Variants in OSBPL10 observed in about 807,000 individuals in gnomAD.
OSBPL10 encodes the protein oxysterol binding protein like 10, also known as oxysterol-binding protein-related protein 10.
OSBPL10 carries 49 observed loss-of-function variants against 81.7 expected under a neutral mutation model. That is an observed-to-expected ratio of 0.60 (90% CI 0.48 to 0.76). OSBPL10 has a LOEUF of 0.76. OSBPL10 is among the 30% of genes least tolerant of loss of function. The pLI, the probability that OSBPL10 is intolerant of heterozygous loss-of-function variation, is 0.00. For missense variants in OSBPL10, 923 were observed against 987.8 expected (o/e 0.93, Z 0.88); for synonymous variants, 419 against 383.6 (o/e 1.09, Z -1.08).
intron 2 of OSBPL10, chr3:31,989,992 C>G (rs771044548): frequency 2.5e-6 from 4 of 1,614,118 alleles, no homozygotes; most frequent in Non-Finnish European, 3.4e-6. Context: ...TGCAAGTCAT[C>G]ATAGACTTCA....
intron 4 of OSBPL10, among the ~76,000 whole-genome samples, chr3:31,761,813 TA>T (rs34579457): frequency 0.69 from 73,794 of 107,512 alleles, 25,159 homozygotes; most frequent in East Asian, 0.92. Context: ...AGACTGTCTC[TA>T]AAAAAAAAAA....
In OSBPL10 at chr3:31,883,175, C is replaced by T. The variant is rs184077378; in HGVS notation, c.282-3345G>A. ...AGGCTCACACTACAGCACGTTGTGC[C>T]ATGTGTGCCCCCCTACACACACCTG... On this transcript the variant is annotated intron_variant, in intron 1 of 11. Coordinates refer to ENST00000396556, the MANE Select transcript of OSBPL10 (RefSeq NM_017784.5). 4.1e-4 allele frequency among the ~76,000 whole-genome samples: 62 copies of T among 152,104 alleles called. 1 individual carries two copies. In the East Asian group the frequency reaches 9.3e-3, roughly 23 times the overall value.
intron 5 of OSBPL10, among the ~76,000 whole-genome samples, chr3:31,733,747 C>T (rs1697055562): frequency 7.5e-6 from 1 of 133,426 alleles, no homozygotes; most frequent in South Asian, 2.5e-4. Flanking sequence ...GGTGCGGTGG[C>T]TCACGCCTGT....
intron 8 of OSBPL10, among the ~76,000 whole-genome samples, chr3:31,682,945 TG>T (rs1412227433): frequency 6.6e-6 from 1 of 152,204 alleles, no homozygotes; most frequent in Non-Finnish European, 1.5e-5. Context: ...AAGACAAATT[TG>T]GAGTTAGATT....
At chr3:32,048,616 C>T (rs1487177188) in intron 1 of OSBPL10, among the ~76,000 whole-genome samples, 2 of 152,152 alleles carry the variant, frequency 1.3e-5, no homozygotes, top group African/African-American at 4.8e-5. Context: ...CTCTCTTAGA[C>T]ACTATTACTA....
At chr3:32,055,619 G>A (rs1699704104) in intron 1 of OSBPL10, among the ~76,000 whole-genome samples, 1 of 152,152 alleles carries the variant, frequency 6.6e-6, no homozygotes, top group African/African-American at 2.4e-5. Flanking sequence ...TTGCATAAGT[G>A]CAATAAGAAT....
At chr3:31,997,074 A>C (rs1304007163) in intron 2 of OSBPL10, among the ~76,000 whole-genome samples, 5 of 152,168 alleles carry the variant, frequency 3.3e-5, no homozygotes, top group Non-Finnish European at 5.9e-5. Flanking sequence ...TTCTGACAAG[A>C]CACATTTGAG....
chr3:31,728,005 C>T (rs1468017569), intron 6 of OSBPL10, among the ~76,000 whole-genome samples: 2 of 152,136 alleles, frequency 1.3e-5, no homozygotes, highest in African/African-American at 4.8e-5. Flanking sequence ...CAGAACTCAG[C>T]TAAATCTTTT....
intron 3 of OSBPL10, among the ~76,000 whole-genome samples, chr3:31,851,441 T>C (rs1700761847): frequency 6.6e-6 from 1 of 152,290 alleles, no homozygotes; most frequent in East Asian, 1.9e-4. Flanking sequence ...TCTCCCCGCA[T>C]CTGCCCACAG....
chr3:31,751,259 G>A (rs1304677518), intron 4 of OSBPL10, among the ~76,000 whole-genome samples: 1 of 152,074 alleles, frequency 6.6e-6, no homozygotes, highest in Non-Finnish European at 1.5e-5. Context: ...GAGATGGGAG[G>A]ATCTCTTGAG....
At chr3:31,909,879 T>G (rs1358342419) in intron 1 of OSBPL10, among the ~76,000 whole-genome samples, 2 of 151,954 alleles carry the variant, frequency 1.3e-5, no homozygotes, top group East Asian at 3.9e-4. Flanking sequence ...CACATACACA[T>G]TTAAGAAATT....
chr3:31,761,362 C>G, intron 4 of OSBPL10, among the ~76,000 whole-genome samples: 1 of 151,258 alleles, frequency 6.6e-6, no homozygotes. Flanking sequence ...ATCCCAGCTA[C>G]TTGGGAAGCT....
chr3:31,833,739 T>A lies in OSBPL10; in HGVS notation c.538-3508A>T, dbSNP rs563667352. Among the ~76,000 whole-genome samples the A allele has an allele frequency of 2.8e-3, 369 of 133,394 alleles. 1 individual carries two copies. Among genetic ancestry groups the A allele is most frequent in the African/African-American group, 5.9e-3 (218 of 36,786 alleles). 87.5% of individuals were successfully genotyped at this position (133,394 alleles called of 152,430 possible). A position where few individuals can be genotyped will look rare whatever the true frequency, so the allele number is the denominator to read the frequency against. On this transcript the variant is annotated intron_variant, in intron 3 of 11. Transcript: ENST00000396556. ...CACACACACACACACACACACACAC[T>A]CTCTCTCTCTTCTAATTCTGAGTAG...
chr3:32,001,997 C>G (rs1223457976), intron 2 of OSBPL10, among the ~76,000 whole-genome samples: 1 of 152,144 alleles, frequency 6.6e-6, no homozygotes, highest in Non-Finnish European at 1.5e-5. Context: ...GTAAGACATT[C>G]ATTTTGCTCA....
chr3:31,694,536 T>C (rs1345000081), intron 7 of OSBPL10, among the ~76,000 whole-genome samples: 5 of 152,208 alleles, frequency 3.3e-5, no homozygotes, highest in African/African-American at 7.2e-5. Context: ...GTCAATGCTT[T>C]CTAAAAATGC....
At chr3:31,917,142 C>T (rs1014368167) in intron 1 of OSBPL10, among the ~76,000 whole-genome samples, 3 of 152,024 alleles carry the variant, frequency 2.0e-5, no homozygotes, top group Non-Finnish European at 4.4e-5. Context: ...GTGTCACAGC[C>T]GGGGTTCAGC....
chr3:31,951,045 A>C (rs1207448634), intron 1 of OSBPL10, among the ~76,000 whole-genome samples: 1 of 152,230 alleles, frequency 6.6e-6, no homozygotes, highest in African/African-American at 2.4e-5. Flanking sequence ...CAACTTCTAC[A>C]TCAACATCAC....
intron 3 of OSBPL10, 74 bp downstream of exon 3, chr3:31,876,359 C>T (rs1309985397): frequency 7.6e-7 from 1 of 1,317,228 alleles, no homozygotes; most frequent in Non-Finnish European, 1.1e-6. Flanking sequence ...ACACCTTCCC[C>T]GAAGAAACAA....
intron 7 of OSBPL10, among the ~76,000 whole-genome samples, chr3:31,688,175 C>G (rs1305930839): frequency 1.3e-5 from 2 of 151,848 alleles, no homozygotes; most frequent in Non-Finnish European, 2.9e-5. Flanking sequence ...CCAGAGTCAT[C>G]TTTCTAAAAT....
Sources: allele counts gnomAD v4.1 joint callset (sites outside exome capture counted in the v4.1 genomes callset), GRCh38; gene constraint gnomAD v4.1.1; transcripts MANE v1.5; gene names NCBI Gene and HGNC (gene_info 2026-07-23, HGNC 2026-07-21).